The following ZNF596 variants were observed in gnomAD, a reference collection of about 807,000 sequenced individuals.
ZNF596 encodes the protein zinc finger protein 596.
ZNF596 carries 45 observed loss-of-function variants against 48.3 expected under a neutral mutation model. The ratio of observed to expected loss-of-function variants is 0.93; its 90% confidence interval spans 0.73 to 1.19. The LOEUF (loss-of-function observed/expected upper bound fraction) is 1.19. Ranked by LOEUF, ZNF596 falls within the 50% of genes most tolerant of loss-of-function variation. ZNF596 has a pLI of 0.00. For synonymous variants in ZNF596, 270 were observed against 202.0 expected, an observed-to-expected ratio of 1.34 and a Z score of -2.85; for missense variants, 848 against 599.7, an observed-to-expected ratio of 1.41 and a Z score of -4.32.
rs1797058623 is a variant in ZNF596 at position 245,901 on chromosome 8, C to T, written c.1054C>T (p.Gln352Ter). The T allele has an allele frequency of 3.1e-6, 5 of 1,613,904 alleles. No individual in the cohort carries two copies. Among genetic ancestry groups the T allele is most frequent in the Non-Finnish European group, 4.2e-6 (5 of 1,179,962 alleles). The change falls in exon 6 of 6, where the codon CAA (glutamine) becomes TAA (stop). Residue 352 changes from glutamine (Q) to a stop codon, truncating the protein, a stop_gained. Transcript: ENST00000398612. LOFTEE classifies it high-confidence loss of function. The part of the protein sequence containing the change: ...KAFSHCSHLR[Q>*]HERSHNGEKP... ...CTTCTCTCATTGTTCTCACCTTAGACAACATGAGCGAAGTCACAATGGAGA... is the reference window on the plus strand; with the variant it reads ...CTTCTCTCATTGTTCTCACCTTAGATAACATGAGCGAAGTCACAATGGAGA...
Position 232,488 on chromosome 8 carries a change from G to C in ZNF596, c.-279G>C. 6.8e-6 allele frequency: 2 copies of C among 294,642 alleles called. No individual in the cohort carries two copies. The highest frequency in any genetic ancestry group is 6.0e-5 in the South Asian group (2 of 33,242). 18.3% of individuals were successfully genotyped at this position (294,642 alleles called of 1,614,324 possible). On this transcript the variant is annotated 5_prime_UTR_variant, in exon 1 of 6. Transcript: ENST00000398612. ...TTCCTGCGGCGTCCTCCACACCCGG[G>C]GTCTGCTGGTCTCCGCGGATGTCAC...
intron 4 of ZNF596, chr8:244,045 G>A (rs1796960882): frequency 3.5e-6 from 1 of 282,646 alleles, no homozygotes; most frequent in African/African-American, 2.3e-5. Flanking sequence ...GCGCCACCAT[G>A]CCCAGCTAAT....
intron 1 of ZNF596, among the ~76,000 whole-genome samples, chr8:238,337 T>C (rs377457825): frequency 2.0e-5 from 3 of 152,104 alleles, no homozygotes; most frequent in East Asian, 1.9e-4. Context: ...TAATGAAATA[T>C]GCATTTCGTG....
intron 1 of ZNF596, chr8:240,474 C>A (rs1181260812): frequency 5.4e-6 from 1 of 183,702 alleles, no homozygotes; most frequent in Admixed American, 5.6e-5. Context: ...ATAATTAAAT[C>A]TGAGAAATTC....
chr8:245,786 GA>G lies in ZNF596; in HGVS notation c.941del (p.Lys314ArgfsTer189). Reference protein sequence around the residue: ...DKPYGCLLCGKAFSKCSYLRQ... With the variant: ...DKPYGCLLCGXAFSKCSYLRQ... Reference sequence around the variant, plus strand: ...AACCATATGGATGTCTCCTATGTGGGAAGGCTTTCAGTAAATGTTCTTACCT... The same window carrying G: ...AACCATATGGATGTCTCCTATGTGGGAGGCTTTCAGTAAATGTTCTTACCT... On this transcript the variant is annotated frameshift_variant, in exon 6 of 6. Coordinates refer to ENST00000398612, the MANE Select transcript of ZNF596 (RefSeq NM_001042416.3). LOFTEE classifies it high-confidence loss of function. 1 of 1,613,960 alleles carries G rather than the reference GA, an allele frequency of 6.2e-7. No homozygotes were observed. The highest frequency in any genetic ancestry group is 8.5e-7 in the Non-Finnish European group (1 of 1,179,986).
intron 1 of ZNF596, chr8:237,219 C>T (rs1473652750): frequency 6.6e-6 from 1 of 151,728 alleles, no homozygotes; most frequent in African/African-American, 2.4e-5. Context: ...TTCTTTCCAC[C>T]GTGGGTCTTT....
Position 246,401 on chromosome 8 carries a change from G to A in ZNF596, c.*39G>A. 1 of 1,530,594 alleles carries A rather than the reference G, an allele frequency of 6.5e-7. No homozygotes were observed. Among genetic ancestry groups the A allele is most frequent in the Non-Finnish European group, 8.7e-7 (1 of 1,146,360 alleles). 94.8% of individuals were successfully genotyped at this position (1,530,594 alleles called of 1,614,324 possible). ...TAGCGTTAACACTAAATACACCAAG[G>A]ACAAACATACTACAGGAATATTATG... On this transcript the variant is annotated 3_prime_UTR_variant, in exon 6 of 6. Coordinates refer to ENST00000398612, the MANE Select transcript of ZNF596 (RefSeq NM_001042416.3).
chr8:245,929 A>C lies in ZNF596; in HGVS notation c.1082A>C (p.Lys361Thr). ...RQHERSHNGEKPHGCHLCGKA... is the reference protein window; with the variant it reads ...RQHERSHNGETPHGCHLCGKA... ...CATGAGCGAAGTCACAATGGAGAGA[A>C]ACCACATGGATGTCATCTATGTGGG... The change falls in exon 6 of 6, where the codon AAA (lysine) becomes ACA (threonine). Residue 361 changes from lysine (K) to threonine (T), a missense_variant. Transcript: ENST00000398612. 1 of 1,614,130 alleles carries C rather than the reference A, an allele frequency of 6.2e-7. No homozygotes were observed. The highest frequency in any genetic ancestry group is 8.5e-7 in the Non-Finnish European group (1 of 1,180,024).
intron 4 of ZNF596, chr8:244,388 C>G: frequency 1.9e-6 from 1 of 533,104 alleles, no homozygotes; most frequent in Non-Finnish European, 3.3e-6. Context: ...TTATAATGGT[C>G]CTCTTCTTTG....
At chr8:240,998 G>A (rs1584908277) in intron 2 of ZNF596, 91 bp downstream of exon 2, 1 of 1,476,934 alleles carries the variant, frequency 6.8e-7, no homozygotes, top group East Asian at 2.3e-5. Flanking sequence ...TGTTCTAAGT[G>A]CACTCAAGGA....
chr8:245,590 A>T lies in ZNF596; in HGVS notation c.743A>T (p.Glu248Val), dbSNP rs1162062087. ...AAACATGAGAGAACTCACACTGGAG[A>T]GAAGCCATATGGATGTCATCTATGT... ...LRKHERTHTGEKPYGCHLCGK... is the reference protein window; with the variant it reads ...LRKHERTHTGVKPYGCHLCGK... Residue 248 changes from glutamate (E) to valine (V), a missense_variant, in exon 6 of 6, where the codon GAG (glutamate) becomes GTG (valine). Transcript: ENST00000398612. The T allele has an allele frequency of 6.2e-7, 1 of 1,614,000 alleles. No homozygotes were observed. Among genetic ancestry groups the T allele is most frequent in the Non-Finnish European group, 8.5e-7 (1 of 1,180,032 alleles).
chr8:242,848 G>A (rs370876643), intron 2 of ZNF596, 39 bp from the exon 3 acceptor site: 20 of 1,445,870 alleles, frequency 1.4e-5, no homozygotes, highest in Admixed American at 2.2e-5. Flanking sequence ...CATTGGCAGA[G>A]ATAGCCCTGT....
intron 1 of ZNF596, among the ~76,000 whole-genome samples, chr8:238,522 T>C (rs187658618): frequency 2.7e-5 from 4 of 148,198 alleles, no homozygotes; most frequent in African/African-American, 1.0e-4. Flanking sequence ...GGTTTCTGGC[T>C]GGGTGCGGTG....
chr8:238,711 G>A (rs898551658), intron 1 of ZNF596, among the ~76,000 whole-genome samples: 2 of 151,660 alleles, frequency 1.3e-5, no homozygotes, highest in Non-Finnish European at 2.9e-5. Context: ...GGAGGCTGAG[G>A]CAGGAGAATC....
At chr8:233,283 G>A (rs1420347484) in intron 1 of ZNF596, 1 of 357,020 alleles carries the variant, frequency 2.8e-6, no homozygotes, top group Non-Finnish European at 5.8e-6. Context: ...GTCAGTAGCA[G>A]AGAGGGCAGC....
chr8:233,988 G>C (rs897037705), intron 1 of ZNF596, among the ~76,000 whole-genome samples: 2 of 152,144 alleles, frequency 1.3e-5, no homozygotes, highest in African/African-American at 4.8e-5. Flanking sequence ...CCGGCCCCAA[G>C]ACACACACAT....
Position 243,782 on chromosome 8 carries a change from C to G in ZNF596, c.200C>G (p.Thr67Arg). ...TTGGAGCAAGTAGAGAAACTTTCAA[C>G]ACAAAGAATAAGCTTACTGCAAGGT... The part of the protein sequence containing the change: ...SQLEQVEKLS[T>R]QRISLLQGRE... Residue 67 changes from threonine (T) to arginine (R), a missense_variant, in exon 4 of 6, where the codon ACA (threonine) becomes AGA (arginine). Transcript: ENST00000398612. 6.2e-7 allele frequency: 1 copy of G among 1,613,634 alleles called. No individual in the cohort carries two copies. The highest frequency in any genetic ancestry group is 2.2e-5 in the East Asian group (1 of 44,874).
At chr8:238,710 G>C (rs1038778475) in intron 1 of ZNF596, among the ~76,000 whole-genome samples, 2 of 151,670 alleles carry the variant, frequency 1.3e-5, no homozygotes, top group Non-Finnish European at 2.9e-5. Flanking sequence ...AGGAGGCTGA[G>C]GCAGGAGAAT....
At chr8:239,174 G>C (rs556709723) in intron 1 of ZNF596, among the ~76,000 whole-genome samples, 6 of 152,242 alleles carry the variant, frequency 3.9e-5, no homozygotes, top group African/African-American at 1.4e-4. Flanking sequence ...AAAAATTGGA[G>C]GGTCCTAAGA....
Sources: gnomAD v4.1 joint callset for allele counts (sites outside exome capture counted in the v4.1 genomes callset) on GRCh38, gnomAD v4.1.1 for gene constraint, MANE v1.5 for transcripts, NCBI Gene and HGNC (gene_info 2026-07-23, HGNC 2026-07-21) for gene names.